Variants in SCRG1 observed in about 807,000 individuals in gnomAD.
SCRG1 encodes scrapie-responsive protein 1.
Under a neutral mutation model 7.7 loss-of-function variants are expected in SCRG1, and 3 were observed. The observed-to-expected ratio is 0.39, with a 90% CI of 0.18 to 1.01. The LOEUF (loss-of-function observed/expected upper bound fraction) is 1.01. Among genes scored for constraint, SCRG1 ranks in the 50% least tolerant of loss-of-function variants. The pLI is 0.36. For synonymous variants in SCRG1, 46 were observed against 41.2 expected (o/e 1.12, Z -0.44); for missense variants, 110 against 117.2 (o/e 0.94, Z 0.28).
the SCRG1 span, among the ~76,000 whole-genome samples, chr4:173,437,134 C>T: frequency 2.0e-4 from 30 of 152,186 alleles, no homozygotes; most frequent in African/African-American, 7.0e-4. Context: ...TTCTATTATA[C>T]GCTCTCTGCT....
chr4:173,455,874 G>T, the SCRG1 span, among the ~76,000 whole-genome samples: 2 of 152,172 alleles, frequency 1.3e-5, no homozygotes, highest in Non-Finnish European at 2.9e-5. Context: ...GGAATAGGAT[G>T]CATGTGGAAA....
chr4:173,487,985 C>T, the SCRG1 span, among the ~76,000 whole-genome samples: 1 of 151,864 alleles, frequency 6.6e-6, no homozygotes, highest in African/African-American at 2.4e-5. Context: ...CCTGTGGTCC[C>T]AGCTACTTGG....
At chr4:173,453,383 A>G in the SCRG1 span, among the ~76,000 whole-genome samples, 1 of 152,250 alleles carries the variant, frequency 6.6e-6, no homozygotes, top group African/African-American at 2.4e-5. Flanking sequence ...AGAATCATGC[A>G]TCACTTAATA....
chr4:173,471,802 T>C, the SCRG1 span, among the ~76,000 whole-genome samples: 2 of 152,184 alleles, frequency 1.3e-5, no homozygotes, highest in Non-Finnish European at 2.9e-5. Flanking sequence ...CTCCGCCTCC[T>C]GGGTTCAAGC....
chr4:173,403,983 A>T (rs1739832479), upstream of SCRG1: 1 of 152,662 alleles, frequency 6.6e-6, no homozygotes, highest in Admixed American at 6.5e-5. Flanking sequence ...AATAGCAATG[A>T]TACTAGTAAT....
At chr4:173,443,748 T>A in the SCRG1 span, among the ~76,000 whole-genome samples, 1 of 152,182 alleles carries the variant, frequency 6.6e-6, no homozygotes, top group Non-Finnish European at 1.5e-5. Flanking sequence ...TCTCGGTTGC[T>A]CTTGAACTCC....
the SCRG1 span, among the ~76,000 whole-genome samples, chr4:173,483,368 A>AATATC: frequency 1.0e-3 from 5 of 4,964 alleles, 1 homozygote; most frequent in African/African-American, 2.5e-3. Flanking sequence ...TATTATATGT[A>AATATC]ATATTATATT....
chr4:173,429,619 G>C, the SCRG1 span, among the ~76,000 whole-genome samples: 4 of 152,240 alleles, frequency 2.6e-5, no homozygotes, highest in Admixed American at 2.6e-4. Context: ...AACCTTGTTC[G>C]TGAGGGGTGA....
At chr4:173,455,534 A>G in the SCRG1 span, among the ~76,000 whole-genome samples, 1 of 152,216 alleles carries the variant, frequency 6.6e-6, no homozygotes, top group Admixed American at 6.5e-5. Context: ...GTGAAGGAGC[A>G]ATTTCCCCCA....
the SCRG1 span, among the ~76,000 whole-genome samples, chr4:173,484,449 A>ATATATTATATACCTATAATATATAT: frequency 8.3e-5 from 1 of 12,116 alleles, no homozygotes; most frequent in African/African-American, 2.3e-4. Context: ...ATGATATATA[A>ATATATTATATACCTATAATATATAT]TATATATTAT....
chr4:173,403,710 G>A (rs1389376539), upstream of SCRG1, among the ~76,000 whole-genome samples: 1 of 152,174 alleles, frequency 6.6e-6, no homozygotes, highest in African/African-American at 2.4e-5. Flanking sequence ...AGGCCAAGAA[G>A]GAAAGGAACA....
At chr4:173,411,564 T>A in the SCRG1 span, among the ~76,000 whole-genome samples, 3 of 152,168 alleles carry the variant, frequency 2.0e-5, no homozygotes, top group African/African-American at 7.2e-5. Context: ...GCAACCTGTA[T>A]GGTGGCATAT....
At chr4:173,485,074 TA>T in the SCRG1 span, among the ~76,000 whole-genome samples, 22 of 12,146 alleles carry the variant, frequency 1.8e-3, 4 homozygotes, top group Non-Finnish European at 4.2e-3. Context: ...ATATATTATA[TA>T]TTATATAATA....
the SCRG1 span, among the ~76,000 whole-genome samples, chr4:173,500,472 T>TGTGTGTGTGTGTGTG: frequency 6.7e-6 from 1 of 150,122 alleles, no homozygotes; most frequent in African/African-American, 2.5e-5. Context: ...TTAGTAAATT[T>TGTGTGTGTGTGTGTG]TGTGTGTGTG....
upstream of SCRG1, among the ~76,000 whole-genome samples, chr4:173,410,810 T>C (rs1309016460): frequency 6.6e-6 from 1 of 152,248 alleles, no homozygotes; most frequent in Non-Finnish European, 1.5e-5. Flanking sequence ...GACTGGACTC[T>C]AAGGAACACT....
At chr4:173,428,378 A>C in the SCRG1 span, among the ~76,000 whole-genome samples, 1 of 152,240 alleles carries the variant, frequency 6.6e-6, no homozygotes, top group African/African-American at 2.4e-5. Context: ...TGGGGTTTAA[A>C]ATGGTACACT....
the SCRG1 span, among the ~76,000 whole-genome samples, chr4:173,417,378 G>T: frequency 6.6e-6 from 1 of 152,122 alleles, no homozygotes; most frequent in Non-Finnish European, 1.5e-5. Context: ...TGAATCCATA[G>T]TTCTTGAATT....
At chr4:173,424,793 C>T in the SCRG1 span, among the ~76,000 whole-genome samples, 1 of 151,800 alleles carries the variant, frequency 6.6e-6, no homozygotes, top group South Asian at 2.1e-4. Flanking sequence ...CCTGTAATCC[C>T]AGCTACTCGG....
At chr4:173,403,835 C>T (rs1739823434), upstream of SCRG1, among the ~76,000 whole-genome samples, 2 of 152,200 alleles carry the variant, frequency 1.3e-5, no homozygotes. Flanking sequence ...AACCTACTCA[C>T]TTACCAAACC....
Sources: gnomAD v4.1 joint callset for allele counts (sites outside exome capture counted in the v4.1 genomes callset) on GRCh38, gnomAD v4.1.1 for gene constraint, MANE v1.5 for transcripts, NCBI Gene and HGNC (gene_info 2026-07-23, HGNC 2026-07-21) for gene names.